The following SCAMP1 variants were observed in gnomAD, a reference collection of about 807,000 sequenced individuals.
The protein encoded by SCAMP1 is secretory carrier membrane protein 1.
In SCAMP1, 15 loss-of-function variants were observed where a neutral mutation model predicts 41.8. That is an observed-to-expected ratio of 0.36 (90% CI 0.24 to 0.55). SCAMP1 has a LOEUF of 0.55. SCAMP1 is among the 20% of genes least tolerant of loss of function. The pLI is 0.86. For missense variants in SCAMP1, 341 were observed against 412.6 expected, an observed-to-expected ratio of 0.83 and a Z score of 1.50; for synonymous variants, 135 against 136.8, an observed-to-expected ratio of 0.99 and a Z score of 0.09.
intron 6 of SCAMP1, among the ~76,000 whole-genome samples, chr5:78,447,490 G>T (rs1753079948): frequency 6.6e-6 from 1 of 152,114 alleles, no homozygotes; most frequent in South Asian, 2.1e-4. Flanking sequence ...GGTACAAAGG[G>T]AACGTAATGC....
intron 2 of SCAMP1, among the ~76,000 whole-genome samples, chr5:78,407,965 A>T (rs1751975099): frequency 1.3e-5 from 2 of 152,062 alleles, no homozygotes; most frequent in Non-Finnish European, 2.9e-5. Flanking sequence ...TTCAGGTCTT[A>T]TTTTGTAATT....
At chr5:78,459,886 G>A (rs1210574628) in intron 8 of SCAMP1, among the ~76,000 whole-genome samples, 3 of 151,978 alleles carry the variant, frequency 2.0e-5, no homozygotes, top group Non-Finnish European at 4.4e-5. Context: ...CATAGTACCC[G>A]ATAGTTTTTC....
At chr5:78,463,311 C>T (rs917615732) in intron 8 of SCAMP1, among the ~76,000 whole-genome samples, 1 of 152,204 alleles carries the variant, frequency 6.6e-6, no homozygotes, top group Non-Finnish European at 1.5e-5. Context: ...ATTCTTTCTC[C>T]TCCATTTCTT....
At chr5:78,462,331 C>G (rs191411852) in intron 8 of SCAMP1, among the ~76,000 whole-genome samples, 178 of 151,776 alleles carry the variant, frequency 1.2e-3, no homozygotes, top group African/African-American at 4.1e-3. Context: ...TATCTTGAAA[C>G]TTTTTGTTGG....
At chr5:78,384,059 A>G (rs1217391445) in intron 1 of SCAMP1, among the ~76,000 whole-genome samples, 1 of 151,966 alleles carries the variant, frequency 6.6e-6, no homozygotes, top group Admixed American at 6.6e-5. Context: ...CTACCCATCC[A>G]TGAGCATGGG....
chr5:78,379,484 G>A (rs1751145518), intron 1 of SCAMP1, among the ~76,000 whole-genome samples: 1 of 152,098 alleles, frequency 6.6e-6, no homozygotes, highest in Non-Finnish European at 1.5e-5. Flanking sequence ...TTGTGTACAT[G>A]CTTTAATGCT....
chr5:78,453,859 C>T (rs1215326502), intron 7 of SCAMP1, among the ~76,000 whole-genome samples: 2 of 151,432 alleles, frequency 1.3e-5, no homozygotes. Context: ...TCTTTTATTT[C>T]CTTGAGCAGT....
At chr5:78,470,611 G>A (rs558046735) in intron 8 of SCAMP1, among the ~76,000 whole-genome samples, 42 of 152,184 alleles carry the variant, frequency 2.8e-4, no homozygotes, top group African/African-American at 8.9e-4. Context: ...TAGTGCTGCC[G>A]TGAACATTGG....
At chr5:78,385,840 T>G (rs187746777) in intron 1 of SCAMP1, among the ~76,000 whole-genome samples, 2 of 152,298 alleles carry the variant, frequency 1.3e-5, no homozygotes, top group African/African-American at 2.4e-5. Flanking sequence ...TCCTTATATT[T>G]GTTGAGACTT....
At position 78,472,866 on chromosome 5, in the gene SCAMP1, T is replaced by TGTGAGCATAA. The variant is rs1753918296; in HGVS notation, c.853-2638_853-2637insGTGAGCATAA. ...CAAATAAGAATTAACATTTATTTAT[T>TGTGAGCATAA]ACATGCTCACAAACTTGGGGGAAGA... On this transcript the variant is annotated intron_variant, in intron 8 of 8. Coordinates refer to ENST00000621999, the MANE Select transcript of SCAMP1 (RefSeq NM_004866.6). Among the ~76,000 whole-genome samples, 3 of 152,298 alleles carry TGTGAGCATAA rather than the reference T, an allele frequency of 2.0e-5. No homozygotes were observed. The South Asian group carries it at 6.2e-4, about 32-fold the overall frequency.
At chr5:78,458,484 T>G (rs1395351127) in intron 7 of SCAMP1, among the ~76,000 whole-genome samples, 1 of 152,228 alleles carries the variant, frequency 6.6e-6, no homozygotes, top group Non-Finnish European at 1.5e-5. Flanking sequence ...TGTATTCTGT[T>G]GAGCTTTGAA....
chr5:78,450,147 C>CA (rs1309527551), intron 7 of SCAMP1, 113 bp downstream of exon 7: 2 of 617,730 alleles, frequency 3.2e-6, no homozygotes, highest in African/African-American at 3.9e-5. Flanking sequence ...AAATAAAAAG[C>CA]AAAAATTGTT....
chr5:78,445,715 T>C lies in SCAMP1; in HGVS notation c.633-4218T>C, dbSNP rs577294897. On this transcript the variant is annotated intron_variant, in intron 6 of 8. Transcript: ENST00000621999. Reference sequence around the variant, plus strand: ...GGGTGTCTTCTGGCTATTCCAGAGCTCCTCAGCTTTTCCTTGCCCTTCCCT... The same window carrying C: ...GGGTGTCTTCTGGCTATTCCAGAGCCCCTCAGCTTTTCCTTGCCCTTCCCT... Among the ~76,000 whole-genome samples, 16 of 152,272 alleles carry C rather than the reference T, an allele frequency of 1.1e-4. No homozygotes were observed. In the South Asian group the frequency reaches 3.3e-3, roughly 32 times the overall value.
At chr5:78,395,108 C>G (rs1434816377) in intron 2 of SCAMP1, among the ~76,000 whole-genome samples, 2 of 152,212 alleles carry the variant, frequency 1.3e-5, no homozygotes, top group Admixed American at 6.5e-5. Context: ...ATTACCTACT[C>G]AGTAGTTTGG....
intron 8 of SCAMP1, among the ~76,000 whole-genome samples, chr5:78,463,570 T>C (rs1184687444): frequency 1.3e-5 from 2 of 152,228 alleles, no homozygotes; most frequent in East Asian, 3.8e-4. Context: ...TTCAGTTTCT[T>C]AGTGATAGAT....
At chr5:78,457,124 G>T in intron 7 of SCAMP1, among the ~76,000 whole-genome samples, 1 of 146,244 alleles carries the variant, frequency 6.8e-6, no homozygotes, top group African/African-American at 2.6e-5. Flanking sequence ...TTTGCCTTTG[G>T]TTTGAATGTC....
chr5:78,439,549 C>G (rs953979203), intron 6 of SCAMP1, among the ~76,000 whole-genome samples: 1 of 152,188 alleles, frequency 6.6e-6, no homozygotes, highest in Admixed American at 6.5e-5. Context: ...GGCCCCTACT[C>G]TCTTCTGGCT....
intron 6 of SCAMP1, among the ~76,000 whole-genome samples, chr5:78,431,714 A>T (rs1413062096): frequency 6.6e-6 from 1 of 151,692 alleles, no homozygotes; most frequent in East Asian, 1.9e-4. Context: ...TACTGTAAGG[A>T]TCTCCCAGCA....
chr5:78,463,928 T>C (rs1753678192), intron 8 of SCAMP1, among the ~76,000 whole-genome samples: 1 of 152,186 alleles, frequency 6.6e-6, no homozygotes, highest in Non-Finnish European at 1.5e-5. Context: ...CTAAGCACTT[T>C]ATGTAATTCC....
Sources: gnomAD v4.1 joint callset for allele counts (sites outside exome capture counted in the v4.1 genomes callset) on GRCh38, gnomAD v4.1.1 for gene constraint, MANE v1.5 for transcripts, NCBI Gene and HGNC (gene_info 2026-07-23, HGNC 2026-07-21) for gene names.